Variants in TMEM44 observed in about 807,000 individuals in gnomAD.
The protein encoded by TMEM44 is transmembrane protein 44.
A neutral mutation model predicts 47.8 loss-of-function variants in TMEM44; 43 were observed. That is an observed-to-expected ratio of 0.90 (90% CI 0.70 to 1.16). The LOEUF is 1.16. Ranked by LOEUF, TMEM44 falls within the 50% of genes most tolerant of loss-of-function variation. The pLI is 0.00. For synonymous variants in TMEM44, 277 were observed against 238.8 expected (o/e 1.16, Z -1.48); for missense variants, 568 against 555.2 (o/e 1.02, Z -0.23).
chr3:194,595,966 T>G lies in TMEM44; in HGVS notation c.1177-7327A>C, dbSNP rs908720066. ...TACCTGCTATATCTGACAGCCCTCC[T>G]CAGGATCATGAAAGGCTTCCTGGAG... On this transcript the variant is annotated intron_variant, in intron 9 of 9. Transcript: ENST00000347147. Among the ~76,000 whole-genome samples the G allele has an allele frequency of 2.6e-5, 4 of 151,938 alleles. No individual in the cohort carries two copies. The East Asian group carries it at 7.7e-4, about 29-fold the overall frequency.
chr3:194,604,582 C>G (rs983440142), intron 8 of TMEM44, 137 bp from the exon 9 acceptor site: 1 of 1,148,240 alleles, frequency 8.7e-7, no homozygotes, highest in African/African-American at 1.6e-5. Context: ...TGCTCTCCTG[C>G]CCTGGCCATC....
chr3:194,616,751 C>T (rs1197110917), intron 6 of TMEM44: 2 of 399,014 alleles, frequency 5.0e-6, no homozygotes, highest in Admixed American at 3.2e-5. Context: ...AAAAATTAGC[C>T]AGACGTGTTG....
In TMEM44 at chr3:194,588,588, G is replaced by T; in HGVS notation, c.1228C>A (p.Leu410Met). The T allele has an allele frequency of 3.1e-6, 5 of 1,614,224 alleles. No homozygotes were observed. Among genetic ancestry groups the T allele is most frequent in the Non-Finnish European group, 4.2e-6 (5 of 1,180,040 alleles). The stretch of plus-strand genomic sequence containing the variant: ...GAGTCCTGGTGCACCTGGGATCCCA[G>T]TAGCTCCACATTTTCTTTGCTGCCT... ...LEGSKENVEL[L>M]GSQVHQDSVR... Residue 410 changes from leucine (L) to methionine (M), a missense_variant, in exon 10 of 10, where the codon CTG (leucine) becomes ATG (methionine). Physicochemically the swap from Leu to Met is conservative, Grantham distance 15. Coordinates refer to ENST00000347147, the MANE Select transcript of TMEM44 (RefSeq NM_001011655.3).
At chr3:194,593,988 A>T (rs1211429216) in intron 9 of TMEM44, among the ~76,000 whole-genome samples, 1 of 151,448 alleles carries the variant, frequency 6.6e-6, no homozygotes, top group Non-Finnish European at 1.5e-5. Flanking sequence ...CATTTATTTT[A>T]TTTTTTTAGT....
At position 194,604,344 on chromosome 3, in the gene TMEM44, C is replaced by T. The variant is rs554986349; in HGVS notation, c.1119G>A (p.Arg373=). 7.6e-6 allele frequency: 12 copies of T among 1,575,184 alleles called. No individual in the cohort carries two copies. In the African/African-American group the frequency reaches 1.3e-4, roughly 18 times the overall value. The change falls in exon 9 of 10, where the codon CGG becomes CGA. Residue 373 remains arginine (R), a synonymous_variant. Transcript: ENST00000347147. ...PPSYPPVQVI[R]ARVSSGSSSE... ...AGGAGCTGCCGGAAGACACCCGGGC[C>T]CGGATGACCTGAACGGGAGGGTACG...
intron 9 of TMEM44, chr3:194,593,090 GAGAC>G (rs2109148729): frequency 1.2e-6 from 2 of 1,613,294 alleles, no homozygotes; most frequent in East Asian, 4.5e-5. Context: ...AATAAAAAGA[GAGAC>G]AGAAAAAGTG....
At chr3:194,588,677 G>T in intron 9 of TMEM44, 38 bp from the exon 10 acceptor site, 1 of 1,572,958 alleles carries the variant, frequency 6.4e-7, no homozygotes, top group Non-Finnish European at 8.7e-7. Flanking sequence ...TGGGTGGAAC[G>T]GATAGATGCT....
rs76937919 is a variant in TMEM44, at chr3:194,600,981, T to A, written c.1176+3306A>T. 9.9e-3 allele frequency among the ~76,000 whole-genome samples: 1,509 copies of A among 152,292 alleles called. 25 individuals carry two copies. Among genetic ancestry groups the A allele is most frequent in the African/African-American group, 0.035 (1,440 of 41,568 alleles). On this transcript the variant is annotated intron_variant, in intron 9 of 9. Coordinates refer to ENST00000347147, the MANE Select transcript of TMEM44 (RefSeq NM_001011655.3). ...TGTCATTTGTATTATCTGTATGTTTTAGGGCATGAAGGAGGAAGACTGTGG... is the reference window on the plus strand; with the variant it reads ...TGTCATTTGTATTATCTGTATGTTTAAGGGCATGAAGGAGGAAGACTGTGG...
rs1003897200 is a variant in TMEM44 at position 194,629,080 on chromosome 3, C to A, written c.138-571G>T. Among the ~76,000 whole-genome samples, 4 of 151,922 alleles carry A rather than the reference C, an allele frequency of 2.6e-5. No individual in the cohort carries two copies. The South Asian group carries it at 8.3e-4, about 32-fold the overall frequency. ...TCCGGAGGCTGAGGCAAGAGAATTG[C>A]TTGAACCCAGGAGGCAGAGGTTGCA... On this transcript the variant is annotated intron_variant, in intron 1 of 9. Transcript: ENST00000347147.
intron 1 of TMEM44, among the ~76,000 whole-genome samples, chr3:194,630,078 C>T (rs1024467178): frequency 9.4e-6 from 1 of 106,924 alleles, no homozygotes; most frequent in Non-Finnish European, 1.9e-5. Context: ...GCTGTCGTAC[C>T]TGCCTCCCGA....
At chr3:194,596,235 TG>T (rs1560160401) in intron 9 of TMEM44, among the ~76,000 whole-genome samples, 1 of 152,060 alleles carries the variant, frequency 6.6e-6, no homozygotes, top group African/African-American at 2.4e-5. Context: ...CTGTATTCCC[TG>T]CAGGACGGAA....
Position 194,612,017 on chromosome 3 carries a change from C to T in TMEM44, c.913-997G>A, listed in dbSNP as rs113035054. ...AGCCTGGACAACAGTGAGACTCCGT[C>T]TCAAAAATAAATAAATAAATAAATA... On this transcript the variant is annotated intron_variant, in intron 7 of 9. Transcript: ENST00000347147. Among the ~76,000 whole-genome samples, 618 of 114,742 alleles carry T rather than the reference C, an allele frequency of 5.4e-3. 6 individuals carry two copies. Among genetic ancestry groups the T allele is most frequent in the South Asian group, 0.026 (98 of 3,814 alleles). The allele number at this position is 114,742 out of a possible 152,430, so 75.3% of individuals were successfully genotyped here.
chr3:194,630,723 C>T (rs1452041783), intron 1 of TMEM44, among the ~76,000 whole-genome samples: 2 of 142,952 alleles, frequency 1.4e-5, no homozygotes, highest in African/African-American at 2.7e-5. Flanking sequence ...CGCTGTCGTA[C>T]CTGCCTCCCG....
chr3:194,609,921 C>G (rs1371774939), intron 8 of TMEM44, among the ~76,000 whole-genome samples: 1 of 152,080 alleles, frequency 6.6e-6, no homozygotes, highest in African/African-American at 2.4e-5. Flanking sequence ...CCTCCTGACT[C>G]CCATCACTCT....
chr3:194,616,551 C>T (rs1301342252), intron 6 of TMEM44: 2 of 456,526 alleles, frequency 4.4e-6, no homozygotes, highest in Non-Finnish European at 8.8e-6. Context: ...CAAGGGACAC[C>T]AGGAGCCACT....
chr3:194,592,349 C>T (rs1560155373), intron 9 of TMEM44, among the ~76,000 whole-genome samples: 2 of 152,178 alleles, frequency 1.3e-5, no homozygotes, highest in African/African-American at 4.8e-5. Context: ...ACAAAACATG[C>T]CTGTCACTTG....
chr3:194,610,969 T>A lies in TMEM44; in HGVS notation c.964A>T (p.Thr322Ser). 1 of 1,614,066 alleles carries A rather than the reference T, an allele frequency of 6.2e-7. No individual in the cohort carries two copies. Among genetic ancestry groups the A allele is most frequent in the Non-Finnish European group, 8.5e-7 (1 of 1,180,006 alleles). ...TTLSHCKSLR[T>S]MTAISRYMEL... Reference sequence around the variant, plus strand: ...ATGTAGCGACTGATTGCTGTCATTGTCCTCAGTGACTTGCAGTGTGACAGT... The same window carrying A: ...ATGTAGCGACTGATTGCTGTCATTGACCTCAGTGACTTGCAGTGTGACAGT... The change falls in exon 8 of 10, where the codon ACA (threonine) becomes TCA (serine). Residue 322 changes from threonine to serine, a missense_variant. Coordinates refer to ENST00000347147, the MANE Select transcript of TMEM44 (RefSeq NM_001011655.3).
At chr3:194,603,358 G>T (rs980877623) in intron 9 of TMEM44, among the ~76,000 whole-genome samples, 21 of 152,338 alleles carry the variant, frequency 1.4e-4, no homozygotes, top group Non-Finnish European at 2.8e-4. Context: ...TGCTCCTCGG[G>T]GGGAGAAAAG....
chr3:194,602,557 G>A (rs1052139592), intron 9 of TMEM44, among the ~76,000 whole-genome samples: 6 of 151,710 alleles, frequency 4.0e-5, no homozygotes, highest in Non-Finnish European at 5.9e-5. Flanking sequence ...AGCTGAGATC[G>A]CGTCACTGCA....
Sources: gnomAD v4.1 joint callset for allele counts (sites outside exome capture counted in the v4.1 genomes callset) on GRCh38, gnomAD v4.1.1 for gene constraint, MANE v1.5 for transcripts, NCBI Gene and HGNC (gene_info 2026-07-23, HGNC 2026-07-21) for gene names.